Variants in SESTD1 observed in about 807,000 individuals in gnomAD.
The protein encoded by SESTD1 is SEC14 domain and spectrin repeat-containing protein 1.
A neutral mutation model predicts 101.7 loss-of-function variants in SESTD1; 43 were observed. The observed-to-expected ratio is 0.42, with a 90% confidence interval of 0.33 to 0.55. The LOEUF (loss-of-function observed/expected upper bound fraction) is 0.55. SESTD1 is among the 20% of genes least tolerant of loss of function. The probability of loss-of-function intolerance (pLI) is 0.07; values close to 1 mark genes in which losing one functional copy is unlikely to be tolerated. For synonymous variants in SESTD1, 283 were observed against 286.8 expected (o/e 0.99, Z 0.13); for missense variants, 647 against 815.1 (o/e 0.79, Z 2.51).
intron 4 of SESTD1, among the ~76,000 whole-genome samples, chr2:179,175,337 C>T (rs542024254): frequency 1.3e-5 from 2 of 152,256 alleles, no homozygotes; most frequent in East Asian, 3.9e-4. Flanking sequence ...AATGATAAAA[C>T]GTTAAAAACC....
intron 1 of SESTD1, among the ~76,000 whole-genome samples, chr2:179,192,414 T>A (rs2046332086): frequency 6.6e-6 from 1 of 152,208 alleles, no homozygotes; most frequent in Non-Finnish European, 1.5e-5. Flanking sequence ...TCTTATCCTG[T>A]TTATCTCACT....
intron 1 of SESTD1, among the ~76,000 whole-genome samples, chr2:179,225,013 G>T (rs1424225602): frequency 2.0e-5 from 3 of 152,058 alleles, no homozygotes; most frequent in African/African-American, 7.3e-5. Flanking sequence ...CAGTCAGTCA[G>T]TAACACAGGT....
intron 1 of SESTD1, among the ~76,000 whole-genome samples, chr2:179,226,000 ATGGATGATGGGTAAACAGTGGTACCTTT>A (rs1325762717): frequency 6.6e-6 from 1 of 152,216 alleles, no homozygotes; most frequent in Non-Finnish European, 1.5e-5. Flanking sequence ...ATTGTTAAAA[ATGGATGATGGGTAAACAGTGGTACCTTT>A]TATTATTTCC....
At chr2:179,190,889 C>T in intron 2 of SESTD1, among the ~76,000 whole-genome samples, 1 of 152,078 alleles carries the variant, frequency 6.6e-6, no homozygotes, top group Admixed American at 6.5e-5. Flanking sequence ...GCTGGTGAAG[C>T]TGCAGAGAAA....
chr2:179,255,814 T>G (rs1243193976), intron 1 of SESTD1, among the ~76,000 whole-genome samples: 1 of 152,216 alleles, frequency 6.6e-6, no homozygotes, highest in Non-Finnish European at 1.5e-5. Flanking sequence ...CTTCAAAATT[T>G]CAAAGGACAG....
chr2:179,176,505 A>G lies in SESTD1; in HGVS notation c.198T>C (p.Ile66=). The change falls in exon 4 of 18, where the codon ATT becomes ATC. Residue 66 remains isoleucine, a synonymous_variant. Coordinates refer to ENST00000428443, the MANE Select transcript of SESTD1 (RefSeq NM_178123.5). ...EKCKARGFTV[I]VDGRKSQWNV... is the part of the protein sequence containing the mutation. The stretch of plus-strand genomic sequence containing the variant: ...TCCACTGTGATTTTCTGCCATCCAC[A>G]ATCACGGTAAATCCTCTAGCCTTAC... 7 of 1,613,524 alleles carry G rather than the reference A, an allele frequency of 4.3e-6. No homozygotes were observed. Among genetic ancestry groups the G allele is most frequent in the Non-Finnish European group, 5.9e-6 (7 of 1,179,792 alleles).
intron 14 of SESTD1, 107 bp from the exon 15 acceptor site, chr2:179,116,897 A>ATTATAACCTAAAGTCTT: frequency 7.1e-7 from 1 of 1,403,036 alleles, no homozygotes. Flanking sequence ...AAATCCGTTA[A>ATTATAACCTAAAGTCTT]TTATAACCTA....
intron 1 of SESTD1, among the ~76,000 whole-genome samples, chr2:179,247,982 A>G (rs2047258383): frequency 6.6e-6 from 1 of 152,012 alleles, no homozygotes; most frequent in Non-Finnish European, 1.5e-5. Context: ...ATACATTAGA[A>G]AAGAGAAAAA....
rs370401383 is a variant in SESTD1, at chr2:179,181,130, A to G, written c.164+1950T>C. Reference sequence around the variant, plus strand: ...GGAGGAACATCATATGCACATTTACATGAGAAAGAGAAAGAAAAAATTTAA... The same window carrying G: ...GGAGGAACATCATATGCACATTTACGTGAGAAAGAGAAAGAAAAAATTTAA... On this transcript the variant is annotated intron_variant, in intron 3 of 17. Coordinates refer to ENST00000428443, the MANE Select transcript of SESTD1 (RefSeq NM_178123.5). Among the ~76,000 whole-genome samples the G allele has an allele frequency of 7.9e-5, 12 of 152,174 alleles. No homozygotes were observed. The East Asian group carries it at 1.5e-3, about 20-fold the overall frequency.
In SESTD1 at chr2:179,207,205, C is replaced by A. The variant is rs1322196249; in HGVS notation, c.-25-15339G>T. On this transcript the variant is annotated intron_variant, in intron 1 of 17. Coordinates refer to ENST00000428443, the MANE Select transcript of SESTD1 (RefSeq NM_178123.5). The stretch of plus-strand genomic sequence containing the variant: ...AGTACTCATCCTGGCCAATGTGGGG[C>A]AAGATTATATCCACCTCCTACCACT... Among the ~76,000 whole-genome samples, 2 of 134,900 alleles carry A rather than the reference C, an allele frequency of 1.5e-5. 1 individual carries two copies. Among genetic ancestry groups the A allele is most frequent in the African/African-American group, 5.9e-5 (2 of 34,132 alleles). 88.5% of individuals were successfully genotyped at this position (134,900 alleles called of 152,430 possible). A position where few individuals can be genotyped will look rare whatever the true frequency, so the allele number is the denominator to read the frequency against.
intron 2 of SESTD1, among the ~76,000 whole-genome samples, chr2:179,185,323 T>C (rs2046192484): frequency 6.8e-6 from 1 of 148,026 alleles, no homozygotes; most frequent in Non-Finnish European, 1.5e-5. Flanking sequence ...TAATATATAA[T>C]ATAGCATATA....
rs78369664 is a variant in SESTD1 at position 179,146,862 on chromosome 2, G to A, written c.582-405C>T. Among the ~76,000 whole-genome samples, 831 of 151,872 alleles carry A rather than the reference G, an allele frequency of 5.5e-3. 4 individuals are homozygous for A. Among genetic ancestry groups the A allele is most frequent in the African/African-American group, 0.019 (773 of 41,394 alleles). ...CCAGACAAAACTTTATTTACCTACA[G>A]CAATCTTTGATAGCTGTGAATATTC... On this transcript the variant is annotated intron_variant, in intron 7 of 17. Transcript: ENST00000428443.
At chr2:179,199,418 C>A in intron 1 of SESTD1, among the ~76,000 whole-genome samples, 1 of 152,090 alleles carries the variant, frequency 6.6e-6, no homozygotes, top group Non-Finnish European at 1.5e-5. Flanking sequence ...CTATTCCAAT[C>A]AATAGAAAAA....
In SESTD1 at chr2:179,112,852, CAAAT is replaced by C; in HGVS notation, c.1840-11_1840-8del. 1.1e-5 allele frequency: 18 copies of C among 1,604,674 alleles called. No homozygotes were observed. In the Middle Eastern group the frequency reaches 5.0e-4, roughly 44 times the overall value. On this transcript the variant is annotated splice_polypyrimidine_tract_variant and splice_region_variant and intron_variant, in intron 16 of 17. Coordinates refer to ENST00000428443, the MANE Select transcript of SESTD1 (RefSeq NM_178123.5). ...CTGGACAGTCCTGCAAAATCTGCAA[CAAAT>C]AAAAGAGCAACATCAATCAAGAGAC...
Position 179,107,521 on chromosome 2 carries a change from A to G in SESTD1, c.*2378T>C, listed in dbSNP as rs2044409877. On this transcript the variant is annotated 3_prime_UTR_variant, in exon 18 of 18. Coordinates refer to ENST00000428443, the MANE Select transcript of SESTD1 (RefSeq NM_178123.5). ...AAGAAAAACATTCTAACTACTCTGA[A>G]ATTCAGAAGAAACAGATATTGAGTA... 6.6e-6 allele frequency: 1 copy of G among 152,148 alleles called. No homozygotes were observed. Among genetic ancestry groups the G allele is most frequent in the South Asian group, 2.1e-4 (1 of 4,836 alleles). 9.4% of individuals were successfully genotyped at this position (152,148 alleles called of 1,614,324 possible).
chr2:179,199,156 A>G (rs368837400), intron 1 of SESTD1, among the ~76,000 whole-genome samples: 1 of 152,118 alleles, frequency 6.6e-6, no homozygotes, highest in African/African-American at 2.4e-5. Context: ...ACAAACTACC[A>G]TCAGAGAATA....
intron 14 of SESTD1, among the ~76,000 whole-genome samples, chr2:179,117,292 G>A (rs370104403): frequency 4.6e-5 from 7 of 152,062 alleles, no homozygotes; most frequent in African/African-American, 9.7e-5. Context: ...AATAATAAAC[G>A]ATCCCAATCT....
In SESTD1 at chr2:179,246,446, G is replaced by C. The variant is rs192920166; in HGVS notation, c.-26+18053C>G. Among the ~76,000 whole-genome samples, 306 of 152,096 alleles carry C rather than the reference G, an allele frequency of 2.0e-3. 1 individual carries two copies. Among genetic ancestry groups the C allele is most frequent in the African/African-American group, 7.0e-3 (289 of 41,498 alleles). ...AAACTAAAGAACTAAAAAGACAAAT[G>C]CACAGTTATAACTGCAGATATCTCT... On this transcript the variant is annotated intron_variant, in intron 1 of 17. Transcript: ENST00000428443.
In SESTD1 at chr2:179,191,848, C is replaced by G; in HGVS notation, c.-7G>C. ...ATATTACTGAGGCCTCCATTTTACT[C>G]CAGTGAACTTCCTTAATTCTGAAAA... On this transcript the variant is annotated 5_prime_UTR_variant, in exon 2 of 18. Coordinates refer to ENST00000428443, the MANE Select transcript of SESTD1 (RefSeq NM_178123.5). 6.2e-7 allele frequency: 1 copy of G among 1,609,188 alleles called. No homozygotes were observed. Among genetic ancestry groups the G allele is most frequent in the Non-Finnish European group, 8.5e-7 (1 of 1,177,358 alleles).
Sources: gnomAD v4.1 joint callset for allele counts (sites outside exome capture counted in the v4.1 genomes callset) on GRCh38, gnomAD v4.1.1 for gene constraint, MANE v1.5 for transcripts, NCBI Gene and HGNC (gene_info 2026-07-23, HGNC 2026-07-21) for gene names.